CABCOCO1: variants seen among roughly 807,000 people sequenced by gnomAD.
The protein encoded by CABCOCO1 is ciliary associated calcium binding coiled-coil 1, also known as ciliary-associated calcium-binding coiled-coil protein 1.
In CABCOCO1, 28 loss-of-function variants were observed where a neutral mutation model predicts 35.7. The ratio of observed to expected loss-of-function variants is 0.78; its 90% confidence interval spans 0.58 to 1.07. The LOEUF (loss-of-function observed/expected upper bound fraction) is 1.07, where lower values mean the gene tolerates loss of function less well. Among genes scored for constraint, CABCOCO1 ranks in the 50% least tolerant of loss-of-function variants. CABCOCO1 has a pLI of 0.00. For synonymous variants in CABCOCO1, 95 were observed against 100.1 expected (o/e 0.95, Z 0.30); for missense variants, 326 against 309.2 (o/e 1.05, Z -0.41).
In CABCOCO1 at chr10:61,751,637, G is replaced by A. The variant is rs570001773; in HGVS notation, c.553-8422G>A. Among the ~76,000 whole-genome samples, 68 of 119,924 alleles carry A rather than the reference G, an allele frequency of 5.7e-4. No homozygotes were observed. In the South Asian group the frequency reaches 0.017, roughly 29 times the overall value. The allele number at this position is 119,924 out of a possible 152,430, so 78.7% of individuals were successfully genotyped here. On this transcript the variant is annotated intron_variant, in intron 5 of 7. Coordinates refer to ENST00000648843, the MANE Select transcript of CABCOCO1 (RefSeq NM_001366906.2). ...TGTACTCCAAATATTCTTCTACATC[G>A]TGACTGAAAAATACTGAATCTGGGG...
intron 5 of CABCOCO1, among the ~76,000 whole-genome samples, chr10:61,710,437 C>T (rs189304476): frequency 2.0e-5 from 3 of 151,484 alleles, no homozygotes; most frequent in Admixed American, 6.6e-5. Context: ...TTATATTCTC[C>T]GAATATACTG....
At chr10:61,752,379 A>AG in intron 5 of CABCOCO1, among the ~76,000 whole-genome samples, 1 of 151,012 alleles carries the variant, frequency 6.6e-6, no homozygotes, top group African/African-American at 2.4e-5. Context: ...AAAAAAAAAA[A>AG]GGGTAGGGGC....
In CABCOCO1 at chr10:61,681,113, T is replaced by C. The variant is rs982725685; in HGVS notation, c.165-30T>C. 7 of 1,327,036 alleles carry C rather than the reference T, an allele frequency of 5.3e-6. No individual in the cohort carries two copies. In the African/African-American group the frequency reaches 1.1e-4, roughly 20 times the overall value. 82.2% of individuals were successfully genotyped at this position (1,327,036 alleles called of 1,614,324 possible). A position where few individuals can be genotyped will look rare whatever the true frequency, so the allele number is the denominator to read the frequency against. ...AAATGGTTCAATATCTAATCTGAAT[T>C]AATATGTGGATTTTTGTTTTATTTT... is the stretch of plus-strand genomic sequence containing the variant. On this transcript the variant is annotated intron_variant, in intron 2 of 7. Transcript: ENST00000648843.
At chr10:61,733,175 T>A (rs976790002) in intron 5 of CABCOCO1, among the ~76,000 whole-genome samples, 1 of 152,042 alleles carries the variant, frequency 6.6e-6, no homozygotes. Context: ...TGTTGTAATG[T>A]CTTTTGGGTT....
chr10:61,677,870 T>C (rs186435686), intron 2 of CABCOCO1, among the ~76,000 whole-genome samples: 1 of 150,114 alleles, frequency 6.7e-6, no homozygotes, highest in Admixed American at 6.6e-5. Flanking sequence ...TGTAGTTAGA[T>C]TGTCTCTGGT....
chr10:61,753,225 C>T (rs930842005), intron 5 of CABCOCO1, among the ~76,000 whole-genome samples: 4 of 151,886 alleles, frequency 2.6e-5, no homozygotes, highest in African/African-American at 7.3e-5. Flanking sequence ...TTAAATAGAA[C>T]GCTCTAGAAG....
chr10:61,663,086 G>A (rs1007264810), intron 1 of CABCOCO1, 54 bp downstream of exon 1: 4 of 231,262 alleles, frequency 1.7e-5, no homozygotes, highest in African/African-American at 7.2e-5. Flanking sequence ...AGACCTCCGA[G>A]CGCTCATTCC....
chr10:61,689,543 A>G (rs1840069524), intron 4 of CABCOCO1, among the ~76,000 whole-genome samples: 1 of 152,152 alleles, frequency 6.6e-6, no homozygotes, highest in Non-Finnish European at 1.5e-5. Context: ...TTCTTCATTG[A>G]TTTCAAATGA....
chr10:61,700,340 A>C (rs1255941716), intron 5 of CABCOCO1, among the ~76,000 whole-genome samples: 1 of 152,132 alleles, frequency 6.6e-6, no homozygotes, highest in African/African-American at 2.4e-5. Context: ...ATTCTATATA[A>C]TCAATAAGAA....
intron 7 of CABCOCO1, among the ~76,000 whole-genome samples, chr10:61,765,129 G>A (rs999113554): frequency 1.4e-4 from 22 of 151,960 alleles, no homozygotes; most frequent in African/African-American, 4.8e-4. Context: ...CTTATACAGC[G>A]GTAGACATTT....
intron 7 of CABCOCO1, among the ~76,000 whole-genome samples, chr10:61,761,619 A>G (rs1842011755): frequency 6.6e-6 from 1 of 152,126 alleles, no homozygotes; most frequent in Admixed American, 6.6e-5. Context: ...GACTTACAGG[A>G]ATTCACATAA....
intron 5 of CABCOCO1, among the ~76,000 whole-genome samples, chr10:61,702,741 T>C (rs1840492377): frequency 6.6e-6 from 1 of 152,108 alleles, no homozygotes; most frequent in Non-Finnish European, 1.5e-5. Flanking sequence ...GCTGAGAATA[T>C]ACAAGCAGAT....
rs1186099426 is a variant in CABCOCO1, at chr10:61,690,585, C to T, written c.516C>T (p.Phe172=). 1.2e-6 allele frequency: 2 copies of T among 1,605,570 alleles called. No individual in the cohort carries two copies. The highest frequency in any genetic ancestry group is 1.7e-5 in the Admixed American group (1 of 59,568). Reference sequence around the variant, plus strand: ...ACTACAAGCTATACGAGTTTATGTTCTACTCTGCCAGGGAAGAAATTGTGA... The same window carrying T: ...ACTACAAGCTATACGAGTTTATGTTTTACTCTGCCAGGGAAGAAATTGTGA... ...FQHYKLYEFM[F]YSAREEIVIG... is the part of the protein sequence containing the mutation. The change falls in exon 5 of 8, where the codon TTC becomes TTT. Residue 172 remains phenylalanine (F), a synonymous_variant. Transcript: ENST00000648843.
chr10:61,748,116 A>AT (rs1400999294), intron 5 of CABCOCO1, among the ~76,000 whole-genome samples: 3 of 151,926 alleles, frequency 2.0e-5, no homozygotes, highest in Non-Finnish European at 2.9e-5. Flanking sequence ...GAGCAGCCTG[A>AT]TGTATAGGTT....
At chr10:61,719,242 G>A (rs919991454) in intron 5 of CABCOCO1, among the ~76,000 whole-genome samples, 3 of 152,058 alleles carry the variant, frequency 2.0e-5, no homozygotes, top group East Asian at 1.9e-4. Context: ...TTCTTGGAAC[G>A]GTAATGACAT....
chr10:61,681,342 A>G, intron 3 of CABCOCO1, 30 bp downstream of exon 3: 1 of 1,444,848 alleles, frequency 6.9e-7, no homozygotes, highest in Non-Finnish European at 9.4e-7. Flanking sequence ...TTGAAGTAAA[A>G]CAAATTTAAT....
chr10:61,710,046 G>A (rs968473378), intron 5 of CABCOCO1, among the ~76,000 whole-genome samples: 2 of 151,938 alleles, frequency 1.3e-5, no homozygotes, highest in Non-Finnish European at 2.9e-5. Context: ...TAGGCAGAAT[G>A]ATTTATAAAC....
At chr10:61,743,039 C>T (rs1285698507) in intron 5 of CABCOCO1, among the ~76,000 whole-genome samples, 3 of 152,022 alleles carry the variant, frequency 2.0e-5, no homozygotes, top group Non-Finnish European at 2.9e-5. Flanking sequence ...ACAAAGCAGC[C>T]GCAGATTTTA....
rs1841793469 is a variant in CABCOCO1 at position 61,751,754 on chromosome 10, C to CT, written c.553-8304dup. ...ATAAGATACAACATCTGTAGCTGGACTAGAGACGACCTAGTCCAACTCCCT... is the reference window on the plus strand; with the variant it reads ...ATAAGATACAACATCTGTAGCTGGACTTAGAGACGACCTAGTCCAACTCCCT... On this transcript the variant is annotated intron_variant, in intron 5 of 7. Transcript: ENST00000648843. Among the ~76,000 whole-genome samples, 3 of 152,160 alleles carry CT rather than the reference C, an allele frequency of 2.0e-5. No individual in the cohort carries two copies. In the South Asian group the frequency reaches 6.2e-4, roughly 32 times the overall value.
Sources: allele counts gnomAD v4.1 joint callset (sites outside exome capture counted in the v4.1 genomes callset), GRCh38; gene constraint gnomAD v4.1.1; transcripts MANE v1.5; gene names NCBI Gene and HGNC (gene_info 2026-07-23, HGNC 2026-07-21).